Variants in CLUAP1 observed in about 807,000 individuals in gnomAD.
The protein encoded by CLUAP1 is intraflagellar transport 38.
CLUAP1 carries 50 observed loss-of-function variants against 55.0 expected under a neutral mutation model. The ratio of observed to expected loss-of-function variants is 0.91; its 90% CI spans 0.72 to 1.15. CLUAP1 has a LOEUF of 1.15. Ranked by LOEUF, CLUAP1 falls within the 50% of genes most tolerant of loss-of-function variation. The probability of loss-of-function intolerance (pLI) is 0.00; values close to 1 mark genes in which losing one functional copy is unlikely to be tolerated. For missense variants in CLUAP1, 530 were observed against 507.6 expected, an observed-to-expected ratio of 1.04 and a Z score of -0.42; for synonymous variants, 195 against 175.4, an observed-to-expected ratio of 1.11 and a Z score of -0.88.
Position 3,515,497 on chromosome 16 carries a change from C to T in CLUAP1, c.496-11C>T, listed in dbSNP as rs376370464. 9.6e-6 allele frequency: 15 copies of T among 1,569,458 alleles called. No homozygotes were observed. Among genetic ancestry groups the T allele is most frequent in the South Asian group, 3.5e-5 (3 of 85,278 alleles). On this transcript the variant is annotated splice_polypyrimidine_tract_variant and intron_variant, in intron 5 of 11. Transcript: ENST00000576634. ...CTGAAAATATACGTAAATGATTTTACTGTTTCCTAGGAAATGAGAACAGAA... is the reference window on the plus strand; with the variant it reads ...CTGAAAATATACGTAAATGATTTTATTGTTTCCTAGGAAATGAGAACAGAA...
chr16:3,531,281 G>C (rs1385648047), intron 10 of CLUAP1, among the ~76,000 whole-genome samples: 1 of 152,214 alleles, frequency 6.6e-6, no homozygotes, highest in Admixed American at 6.5e-5. Context: ...AGCACTTTGG[G>C]AGGCCAAGGC....
intron 9 of CLUAP1, 99 bp downstream of exon 9, chr16:3,526,583 TTTC>T: frequency 3.1e-6 from 2 of 641,160 alleles, no homozygotes; most frequent in Non-Finnish European, 4.3e-6. Flanking sequence ...TAATATGTAT[TTTC>T]TTCTTTTTTT....
chr16:3,501,050 C>G lies in CLUAP1; in HGVS notation c.-18C>G. 6.3e-7 allele frequency: 1 copy of G among 1,598,994 alleles called. No homozygotes were observed. ...GGGCGAGCAGTTGCGACCCTGGGCT[C>G]CTGGGGACCTGAGCGTTATGTCTTT... On this transcript the variant is annotated 5_prime_UTR_variant, in exon 1 of 12. Transcript: ENST00000576634.
rs147948720 is a variant in CLUAP1 at position 3,505,534 on chromosome 16, G to A, written c.134+703G>A. 8.4e-4 allele frequency among the ~76,000 whole-genome samples: 116 copies of A among 138,764 alleles called. 4 individuals carry two copies. In the East Asian group the frequency reaches 0.02, roughly 24 times the overall value. 91.0% of individuals were successfully genotyped at this position (138,764 alleles called of 152,430 possible). A position where few individuals can be genotyped will look rare whatever the true frequency, so the allele number is the denominator to read the frequency against. On this transcript the variant is annotated intron_variant, in intron 2 of 11. Coordinates refer to ENST00000576634, the MANE Select transcript of CLUAP1 (RefSeq NM_015041.3). ...TGCAGTTCAGCCTGGGTGAAAGAGC[G>A]AGACTCCGTCTCAAAAAAAAAAAAA... is the stretch of plus-strand genomic sequence containing the variant.
At chr16:3,507,484 C>T (rs1251935898) in intron 3 of CLUAP1, among the ~76,000 whole-genome samples, 5 of 149,976 alleles carry the variant, frequency 3.3e-5, no homozygotes, top group East Asian at 2.0e-4. Context: ...TGCTTGAGCC[C>T]GGGAGGTTGA....
rs1410645567 is a variant in CLUAP1 at position 3,537,463 on chromosome 16, GTT to G, written c.*1195_*1196del. On this transcript the variant is annotated 3_prime_UTR_variant, in exon 12 of 12. Coordinates refer to ENST00000576634, the MANE Select transcript of CLUAP1 (RefSeq NM_015041.3). ...GTGGGAGGATCACTTGAGCCCAGGA[GTT>G]TTAGACTAGCCTGGACAACTAAGTG... 1.3e-5 allele frequency: 2 copies of G among 152,016 alleles called. No individual in the cohort carries two copies. Among genetic ancestry groups the G allele is most frequent in the Non-Finnish European group, 2.9e-5 (2 of 68,042 alleles). 9.4% of individuals were successfully genotyped at this position (152,016 alleles called of 1,614,324 possible). A position where few individuals can be genotyped will look rare whatever the true frequency, so the allele number is the denominator to read the frequency against.
chr16:3,501,187 C>A, intron 1 of CLUAP1, 98 bp downstream of exon 1: 1 of 1,290,340 alleles, frequency 7.7e-7, no homozygotes, highest in Non-Finnish European at 1.1e-6. Flanking sequence ...GAGGCTTGCG[C>A]TGCCGGAGGC....
At position 3,538,335 on chromosome 16, in the gene CLUAP1, C is replaced by T. The variant is rs1323727007; in HGVS notation, c.*2064C>T. ...TTACCCCTAAAAAAAAAAAAACAGC[C>T]AGTATTCAGTGAATTCACCAGTAAT... is the stretch of plus-strand genomic sequence containing the variant. On this transcript the variant is annotated 3_prime_UTR_variant, in exon 12 of 12. Coordinates refer to ENST00000576634, the MANE Select transcript of CLUAP1 (RefSeq NM_015041.3). 1 of 151,188 alleles carries T rather than the reference C, an allele frequency of 6.6e-6. No homozygotes were observed. The highest frequency in any genetic ancestry group is 1.9e-4 in the East Asian group (1 of 5,160). 9.4% of individuals were successfully genotyped at this position (151,188 alleles called of 1,614,324 possible).
chr16:3,534,228 A>T (rs1025057353), intron 11 of CLUAP1: 1 of 152,636 alleles, frequency 6.6e-6, no homozygotes, highest in Admixed American at 6.5e-5. Flanking sequence ...TTCAGGGGAC[A>T]GGGAGTGACA....
chr16:3,532,203 G>A (rs1438952175), intron 10 of CLUAP1, among the ~76,000 whole-genome samples: 10 of 152,192 alleles, frequency 6.6e-5, no homozygotes, highest in African/African-American at 2.2e-4. Flanking sequence ...TTTACTGGGC[G>A]TTCTCGCATT....
At chr16:3,532,052 T>G (rs953318133) in intron 10 of CLUAP1, among the ~76,000 whole-genome samples, 7 of 152,118 alleles carry the variant, frequency 4.6e-5, no homozygotes, top group African/African-American at 1.7e-4. Flanking sequence ...TTGGCCAGGC[T>G]GGTCTCGAAC....
chr16:3,522,325 G>C (rs1434666678), intron 7 of CLUAP1, among the ~76,000 whole-genome samples: 2 of 151,946 alleles, frequency 1.3e-5, no homozygotes, highest in Non-Finnish European at 2.9e-5. Context: ...CACCACGCCT[G>C]GCTAATGTTT....
intron 7 of CLUAP1, 32 bp from the exon 8 acceptor site, chr16:3,523,126 C>A: frequency 6.3e-7 from 1 of 1,580,722 alleles, no homozygotes; most frequent in Non-Finnish European, 8.6e-7. Flanking sequence ...ATATAATTCA[C>A]CTTTCCTTTT....
At position 3,501,083 on chromosome 16, in the gene CLUAP1, C is replaced by T. The variant is rs575259168; in HGVS notation, c.16C>T (p.Leu6Phe). Reference sequence around the variant, plus strand: ...CCTGAGCGTTATGTCTTTCCGCGACCTCCGCAGTAAGGCAGCCCCGCGCCC... The same window carrying T: ...CCTGAGCGTTATGTCTTTCCGCGACTTCCGCAGTAAGGCAGCCCCGCGCCC... Reference protein sequence around the residue: MSFRDLRNFTEMMRAL... With the variant: MSFRDFRNFTEMMRAL... Residue 6 changes from leucine to phenylalanine, a missense_variant, in exon 1 of 12, where the codon CTC becomes TTC. By Grantham distance (22) the Leu-to-Phe change is conservative. Transcript: ENST00000576634. The T allele has an allele frequency of 1.3e-6, 2 of 1,597,818 alleles. No homozygotes were observed. The highest frequency in any genetic ancestry group is 2.2e-5 in the East Asian group (1 of 44,458).
At position 3,508,479 on chromosome 16, in the gene CLUAP1, C is replaced by CA. The variant is rs771973556; in HGVS notation, c.399+15dup. ...GATCTTGGCTCAAAGGTAAGGACAA[C>CA]AAAAGCCTTGTAGTGGGCGATGGAG... On this transcript the variant is annotated intron_variant, in intron 4 of 11. Coordinates refer to ENST00000576634, the MANE Select transcript of CLUAP1 (RefSeq NM_015041.3). The CA allele has an allele frequency of 1.9e-6, 3 of 1,558,318 alleles. No individual in the cohort carries two copies. The highest frequency in any genetic ancestry group is 2.6e-6 in the Non-Finnish European group (3 of 1,161,680).
At chr16:3,528,561 G>A (rs1162118995) in intron 9 of CLUAP1, among the ~76,000 whole-genome samples, 2 of 152,276 alleles carry the variant, frequency 1.3e-5, no homozygotes, top group African/African-American at 4.8e-5. Context: ...CCTGCATGGG[G>A]TTTGTCCCTT....
intron 10 of CLUAP1, among the ~76,000 whole-genome samples, chr16:3,531,537 G>A (rs1352260221): frequency 6.6e-6 from 1 of 151,466 alleles, no homozygotes; most frequent in Non-Finnish European, 1.5e-5. Flanking sequence ...AAAAAAAAGA[G>A]TTAAAACAAA....
At chr16:3,524,408 T>C (rs923491790) in intron 8 of CLUAP1, among the ~76,000 whole-genome samples, 13 of 151,556 alleles carry the variant, frequency 8.6e-5, no homozygotes, top group Non-Finnish European at 1.5e-4. Flanking sequence ...GAAATCAGCT[T>C]GTCCAACATG....
At chr16:3,511,135 T>C (rs1298526327) in intron 4 of CLUAP1, among the ~76,000 whole-genome samples, 1 of 152,156 alleles carries the variant, frequency 6.6e-6, no homozygotes, top group Non-Finnish European at 1.5e-5. Context: ...CAGAGCAGGC[T>C]GGATCCTGGA....
Sources: allele counts gnomAD v4.1 joint callset (sites outside exome capture counted in the v4.1 genomes callset), GRCh38; gene constraint gnomAD v4.1.1; transcripts MANE v1.5; gene names NCBI Gene and HGNC (gene_info 2026-07-23, HGNC 2026-07-21).